The following TBC1D16 variants were observed in gnomAD, a reference collection of about 807,000 sequenced individuals.
TBC1D16 encodes CTD-2529O21.1.
TBC1D16 carries 58 observed loss-of-function variants against 74.7 expected under a neutral mutation model. That is an observed-to-expected ratio of 0.78 (90% CI 0.63 to 0.97). TBC1D16 has a LOEUF of 0.97. Among genes scored for constraint, TBC1D16 ranks in the 50% least tolerant of loss-of-function variants. TBC1D16 has a pLI of 0.00. For synonymous variants in TBC1D16, 493 were observed against 474.7 expected, an observed-to-expected ratio of 1.04 and a Z score of -0.50; for missense variants, 1,014 against 1,079.5, an observed-to-expected ratio of 0.94 and a Z score of 0.85.
chr17:79,936,387 CCT>C lies in TBC1D16; in HGVS notation c.*4470_*4471del, dbSNP rs1382230825. On this transcript the variant is annotated 3_prime_UTR_variant, in exon 12 of 12. Transcript: ENST00000310924. Reference sequence around the variant, plus strand: ...GATGGCTGAGGTCAGCGGTCTCTTCCCTGAGTGGCAGGTGTGGTCCCTGGGAC... The same window carrying C: ...GATGGCTGAGGTCAGCGGTCTCTTCCGAGTGGCAGGTGTGGTCCCTGGGAC... The C allele has an allele frequency of 6.6e-6, 1 of 152,246 alleles. No individual in the cohort carries two copies. The highest frequency in any genetic ancestry group is 1.5e-5 in the Non-Finnish European group (1 of 68,052). 9.4% of individuals were successfully genotyped at this position (152,246 alleles called of 1,614,324 possible).
chr17:79,950,032 G>A lies in TBC1D16; in HGVS notation c.1258-167C>T, dbSNP rs968643266. ...AGCAGTGGCCTTCAATTCCCATACA[G>A]GACACAAACCCGGCTCATTTCAATG... is the stretch of plus-strand genomic sequence containing the variant. On this transcript the variant is annotated intron_variant, in intron 6 of 11. Coordinates refer to ENST00000310924, the MANE Select transcript of TBC1D16 (RefSeq NM_019020.4). The surrounding 1 kb of genome is among the most constrained non-coding windows in gnomAD (Gnocchi z 4.6). 3.3e-5 allele frequency among the ~76,000 whole-genome samples: 5 copies of A among 152,162 alleles called. No homozygotes were observed. The highest frequency in any genetic ancestry group is 5.9e-5 in the Non-Finnish European group (4 of 68,024).
rs1014135502 is a variant in TBC1D16, at chr17:79,986,787, C to T, written c.779+23373G>A. 2.0e-5 allele frequency among the ~76,000 whole-genome samples: 3 copies of T among 152,136 alleles called. No homozygotes were observed. Among genetic ancestry groups the T allele is most frequent in the South Asian group, 2.1e-4 (1 of 4,826 alleles). ...CCCTCCTCAGAGCCTCAGCCCGCAG[C>T]GGGAGATGACACCTCCGATCAGGTC... On this transcript the variant is annotated intron_variant, in intron 3 of 11. Coordinates refer to ENST00000310924, the MANE Select transcript of TBC1D16 (RefSeq NM_019020.4). This position sits in a 1 kb window ranked among gnomAD's most constrained non-coding sequence, Gnocchi z 6.0.
chr17:80,020,264 C>A (rs182218164), intron 1 of TBC1D16, among the ~76,000 whole-genome samples: 1 of 149,844 alleles, frequency 6.7e-6, no homozygotes, highest in Admixed American at 6.6e-5. Context: ...CCCTAGCAAA[C>A]AAATATACCA....
At chr17:80,029,887 GGA>G (rs1568654500) in intron 1 of TBC1D16, among the ~76,000 whole-genome samples, 1 of 152,066 alleles carries the variant, frequency 6.6e-6, no homozygotes, top group South Asian at 2.1e-4. Context: ...AGGCTCTAAG[GGA>G]GAGTCTGTTT....
rs971514108 is a variant in TBC1D16, at chr17:79,983,030, C to T, written c.779+27130G>A. ...TGCGGAATCCCTGTGTGTGTGCACACGCATCCACCCCGAGCCTCTGTGTGC... is the reference window on the plus strand; with the variant it reads ...TGCGGAATCCCTGTGTGTGTGCACATGCATCCACCCCGAGCCTCTGTGTGC... On this transcript the variant is annotated intron_variant, in intron 3 of 11. Transcript: ENST00000310924. This position sits in a 1 kb window ranked among gnomAD's most constrained non-coding sequence, Gnocchi z 5.6. Among the ~76,000 whole-genome samples, 10 of 152,204 alleles carry T rather than the reference C, an allele frequency of 6.6e-5. No individual in the cohort carries two copies. Among genetic ancestry groups the T allele is most frequent in the Admixed American group, 3.9e-4 (6 of 15,282 alleles).
chr17:80,008,724 C>T lies in TBC1D16; in HGVS notation c.779+1436G>A, dbSNP rs1357766883. ...TCCTGGCACCTGGAGTCCTCAGTTACGGCTCACGGCTTCCTTTTATCTGCA... is the reference window on the plus strand; with the variant it reads ...TCCTGGCACCTGGAGTCCTCAGTTATGGCTCACGGCTTCCTTTTATCTGCA... On this transcript the variant is annotated intron_variant, in intron 3 of 11. Coordinates refer to ENST00000310924, the MANE Select transcript of TBC1D16 (RefSeq NM_019020.4). The surrounding 1 kb of genome is among the most constrained non-coding windows in gnomAD (Gnocchi z 4.5). 9.2e-5 allele frequency among the ~76,000 whole-genome samples: 14 copies of T among 152,216 alleles called. No individual in the cohort carries two copies. Among genetic ancestry groups the T allele is most frequent in the African/African-American group, 2.9e-4 (12 of 41,452 alleles).
At chr17:80,026,314 A>T (rs1449023149) in intron 1 of TBC1D16, among the ~76,000 whole-genome samples, 1 of 149,814 alleles carries the variant, frequency 6.7e-6, no homozygotes, top group East Asian at 1.9e-4. Flanking sequence ...AATCCCAGCT[A>T]CTCAGGAGGC....
intron 1 of TBC1D16, among the ~76,000 whole-genome samples, chr17:80,017,215 T>G (rs2036119645): frequency 6.6e-6 from 1 of 151,694 alleles, no homozygotes; most frequent in Middle Eastern, 3.2e-3. Flanking sequence ...GGCCGGAGAG[T>G]CTCTGTCGTG....
intron 3 of TBC1D16, among the ~76,000 whole-genome samples, chr17:80,002,452 G>A (rs1175272919): frequency 1.3e-5 from 2 of 152,212 alleles, no homozygotes; most frequent in Non-Finnish European, 2.9e-5. Flanking sequence ...GGGAGCGGCC[G>A]CCCCATGGGG....
intron 3 of TBC1D16, among the ~76,000 whole-genome samples, chr17:79,991,709 G>GGGGCGGGGCGGGGAGGGGGA (rs2035066956): frequency 1.3e-5 from 2 of 149,066 alleles, no homozygotes; most frequent in Non-Finnish European, 3.0e-5. Context: ...GGGGTGGGGC[G>GGGGCGGGGCGGGGAGGGGGA]GGGCGGGGCG....
chr17:80,034,462 A>G lies in TBC1D16; in HGVS notation c.-63+1333T>C, dbSNP rs571464854. Among the ~76,000 whole-genome samples the G allele has an allele frequency of 2.6e-4, 39 of 152,296 alleles. No individual in the cohort carries two copies. In the South Asian group the frequency reaches 7.9e-3, roughly 31 times the overall value. On this transcript the variant is annotated intron_variant, in intron 1 of 11. Transcript: ENST00000310924. ...GGTGATCCGCTCGCCTCGTCCTCCC[A>G]AAGTGCTGGGATTACAGCCGTGAGC...
chr17:79,955,127 C>G (rs2033276706), intron 3 of TBC1D16, among the ~76,000 whole-genome samples: 1 of 152,208 alleles, frequency 6.6e-6, no homozygotes, highest in African/African-American at 2.4e-5. Flanking sequence ...CCCTTAGGGG[C>G]AAATTATTTG....
chr17:79,947,535 C>G (rs1393181837), intron 9 of TBC1D16, 110 bp downstream of exon 9: 20 of 1,262,196 alleles, frequency 1.6e-5, no homozygotes, highest in Non-Finnish European at 2.3e-5. Flanking sequence ...CCACTGCCCA[C>G]TGACCTACAG....
intron 1 of TBC1D16, among the ~76,000 whole-genome samples, chr17:80,015,861 A>C (rs992999736): frequency 9.9e-5 from 15 of 151,522 alleles, no homozygotes; most frequent in African/African-American, 3.4e-4. Context: ...AAATACAAAA[A>C]TTAGCCAGGT....
At chr17:80,034,388 T>TG (rs35502414) in intron 1 of TBC1D16, among the ~76,000 whole-genome samples, 49,763 of 151,576 alleles carry the variant, frequency 0.33, 8,673 homozygotes, top group Middle Eastern at 0.47. Context: ...TTAGTAGATA[T>TG]GGGGGGTTTC....
At position 79,986,899 on chromosome 17, in the gene TBC1D16, G is replaced by A. The variant is rs576202849; in HGVS notation, c.779+23261C>T. On this transcript the variant is annotated intron_variant, in intron 3 of 11. Transcript: ENST00000310924. This position sits in a 1 kb window ranked among gnomAD's most constrained non-coding sequence, Gnocchi z 6.0. ...GGGAGGAGCTGGACTGCGGTCAGCC[G>A]TCCCCTCGCGCCCTCCGGTCTCTGC... Among the ~76,000 whole-genome samples, 6 of 152,336 alleles carry A rather than the reference G, an allele frequency of 3.9e-5. No individual in the cohort carries two copies. The highest frequency in any genetic ancestry group is 2.1e-4 in the South Asian group (1 of 4,830).
Position 79,990,817 on chromosome 17 carries a change from C to G in TBC1D16, c.779+19343G>C, listed in dbSNP as rs569662152. The stretch of plus-strand genomic sequence containing the variant: ...CTCTGAGCCTGACAACTCCAGGGGT[C>G]GCACACAAGTGGAATCACACAGATT... On this transcript the variant is annotated intron_variant, in intron 3 of 11. Coordinates refer to ENST00000310924, the MANE Select transcript of TBC1D16 (RefSeq NM_019020.4). The surrounding 1 kb of genome is among the most constrained non-coding windows in gnomAD (Gnocchi z 4.8). Among the ~76,000 whole-genome samples, 9 of 152,290 alleles carry G rather than the reference C, an allele frequency of 5.9e-5. No individual in the cohort carries two copies. The highest frequency in any genetic ancestry group is 1.3e-4 in the Non-Finnish European group (9 of 68,022).
rs1046695746 is a variant in TBC1D16, at chr17:79,941,553, C to T, written c.2056-446G>A. ...TGTGTCCTGTGCCAGAGGACACCACCGACCTCGGGACCCCCGCTCAGTGCC... is the reference window on the plus strand; with the variant it reads ...TGTGTCCTGTGCCAGAGGACACCACTGACCTCGGGACCCCCGCTCAGTGCC... On this transcript the variant is annotated intron_variant, in intron 11 of 11. Coordinates refer to ENST00000310924, the MANE Select transcript of TBC1D16 (RefSeq NM_019020.4). This position sits in a 1 kb window ranked among gnomAD's most constrained non-coding sequence, Gnocchi z 4.3. 2.4e-4 allele frequency among the ~76,000 whole-genome samples: 36 copies of T among 152,116 alleles called. No individual in the cohort carries two copies. Among genetic ancestry groups the T allele is most frequent in the African/African-American group, 8.7e-4 (36 of 41,438 alleles).
rs1302935991 is a variant in TBC1D16, at chr17:79,937,975, T to TA, written c.*2883dup. On this transcript the variant is annotated 3_prime_UTR_variant, in exon 12 of 12. Transcript: ENST00000310924. ...CAGCCAATAACATTAAGTGTCATTT[T>TA]AAAAAATGGGTTAAATAAGCAGCAT... The TA allele has an allele frequency of 1.3e-5, 2 of 152,248 alleles. No individual in the cohort carries two copies. The highest frequency in any genetic ancestry group is 2.4e-5 in the African/African-American group (1 of 41,460). 9.4% of individuals were successfully genotyped at this position (152,248 alleles called of 1,614,324 possible).
Sources: gnomAD v4.1 joint callset for allele counts (sites outside exome capture counted in the v4.1 genomes callset) on GRCh38, gnomAD v4.1.1 for gene constraint, Gnocchi (gnomAD v3.1) non-coding constraint, MANE v1.5 for transcripts, NCBI Gene and HGNC (gene_info 2026-07-23, HGNC 2026-07-21) for gene names.